PTPRD: variants seen among roughly 807,000 people sequenced by gnomAD.
The protein encoded by PTPRD is receptor-type tyrosine-protein phosphatase delta.
Under a neutral mutation model 214.5 loss-of-function variants are expected in PTPRD, and 34 were observed. That is an observed-to-expected ratio of 0.16 (90% CI 0.12 to 0.21). The LOEUF (loss-of-function observed/expected upper bound fraction) is 0.21, where lower values mean the gene tolerates loss of function less well. PTPRD is among the 10% of genes least tolerant of loss of function. PTPRD has a pLI of 1.00. For synonymous variants in PTPRD, 1,128 were observed against 845.7 expected, an observed-to-expected ratio of 1.33 and a Z score of -5.79; for missense variants, 2,545 against 2,398.7, an observed-to-expected ratio of 1.06 and a Z score of -1.27.
chr9:9,200,578 A>G (rs1481226482), intron 9 of PTPRD, among the ~76,000 whole-genome samples: 1 of 152,228 alleles, frequency 6.6e-6, no homozygotes, highest in African/African-American at 2.4e-5. Flanking sequence ...CAATTTGCCT[A>G]AGGTAACACA....
At chr9:9,648,414 C>T (rs1351404153) in intron 7 of PTPRD, among the ~76,000 whole-genome samples, 2 of 152,098 alleles carry the variant, frequency 1.3e-5, no homozygotes, top group Admixed American at 6.6e-5. Context: ...ATGGTCATAA[C>T]GTTCTGTCTT....
intron 21 of PTPRD, among the ~76,000 whole-genome samples, chr9:8,513,918 G>A (rs1312378527): frequency 6.6e-6 from 1 of 152,004 alleles, no homozygotes; most frequent in Non-Finnish European, 1.5e-5. Flanking sequence ...CAATCAACAT[G>A]TATTAAAAGT....
intron 10 of PTPRD, among the ~76,000 whole-genome samples, chr9:9,054,251 C>T (rs2099692154): frequency 6.6e-6 from 1 of 152,106 alleles, no homozygotes; most frequent in Non-Finnish European, 1.5e-5. Context: ...TTCTCATCAC[C>T]ACGAAGTTCT....
chr9:10,595,534 C>A (rs1377087435), intron 2 of PTPRD, among the ~76,000 whole-genome samples: 2 of 151,548 alleles, frequency 1.3e-5, no homozygotes, highest in East Asian at 1.9e-4. Flanking sequence ...CAAGTGGGTT[C>A]TTTTTGGCGG....
At chr9:10,172,361 T>A (rs1020530968) in intron 3 of PTPRD, among the ~76,000 whole-genome samples, 2 of 152,216 alleles carry the variant, frequency 1.3e-5, no homozygotes, top group Non-Finnish European at 2.9e-5. Context: ...AATATTGTAT[T>A]TTGATCTTAT....
chr9:8,812,971 C>T (rs527976612), intron 11 of PTPRD, among the ~76,000 whole-genome samples: 6 of 151,952 alleles, frequency 3.9e-5, no homozygotes, highest in Admixed American at 1.3e-4. Context: ...AATTTATATT[C>T]GGATTTTTAC....
chr9:10,533,589 A>G (rs1231216007), intron 2 of PTPRD, among the ~76,000 whole-genome samples: 1 of 151,930 alleles, frequency 6.6e-6, no homozygotes, highest in Admixed American at 6.6e-5. Context: ...CATGTCACAC[A>G]CTTATAAATA....
intron 9 of PTPRD, among the ~76,000 whole-genome samples, chr9:9,231,953 T>G (rs923099403): frequency 6.6e-6 from 1 of 152,136 alleles, no homozygotes; most frequent in African/African-American, 2.4e-5. Context: ...AGGAAACTGG[T>G]GGCATAGAAT....
chr9:8,572,624 A>G (rs2091452998), intron 14 of PTPRD, among the ~76,000 whole-genome samples: 1 of 152,118 alleles, frequency 6.6e-6, no homozygotes, highest in Non-Finnish European at 1.5e-5. Flanking sequence ...AAGGGGAATT[A>G]GGCACTAGAA....
intron 9 of PTPRD, among the ~76,000 whole-genome samples, chr9:9,303,677 C>G (rs1956217592): frequency 6.6e-6 from 1 of 151,964 alleles, no homozygotes; most frequent in Non-Finnish European, 1.5e-5. Flanking sequence ...AATGAAAACA[C>G]AAAAGTGGAA....
intron 8 of PTPRD, among the ~76,000 whole-genome samples, chr9:9,534,412 A>G (rs2076109419): frequency 1.3e-5 from 2 of 152,044 alleles, no homozygotes; most frequent in African/African-American, 4.8e-5. Context: ...ACGCCCTTAC[A>G]TTCAAGTGCC....
At chr9:8,632,031 G>A (rs1203019877) in intron 14 of PTPRD, among the ~76,000 whole-genome samples, 2 of 151,602 alleles carry the variant, frequency 1.3e-5, no homozygotes, top group African/African-American at 4.8e-5. Context: ...TACTTTCCCT[G>A]CAACTTAATA....
chr9:8,667,714 C>G (rs941783360), intron 12 of PTPRD, among the ~76,000 whole-genome samples: 1 of 151,824 alleles, frequency 6.6e-6, no homozygotes, highest in East Asian at 1.9e-4. Context: ...AGACTTGGGT[C>G]CCATCCCCAA....
intron 2 of PTPRD, among the ~76,000 whole-genome samples, chr9:10,568,581 C>G (rs1171024202): frequency 6.6e-6 from 1 of 152,162 alleles, no homozygotes; most frequent in East Asian, 1.9e-4. Flanking sequence ...ACAGTCCCAC[C>G]AACAGTGTAA....
chr9:8,884,763 A>G (rs968180658), intron 11 of PTPRD, among the ~76,000 whole-genome samples: 8 of 152,254 alleles, frequency 5.3e-5, no homozygotes, highest in African/African-American at 7.2e-5. Context: ...CTGATTTGCC[A>G]TAACTCACCT....
chr9:9,928,478 A>C (rs142211523), intron 5 of PTPRD, among the ~76,000 whole-genome samples: 1 of 152,246 alleles, frequency 6.6e-6, no homozygotes, highest in Non-Finnish European at 1.5e-5. Context: ...ATTAAACTTA[A>C]AAGGAGGGAA....
intron 2 of PTPRD, among the ~76,000 whole-genome samples, chr9:10,361,351 G>A (rs1032384799): frequency 3.9e-5 from 6 of 152,068 alleles, no homozygotes; most frequent in African/African-American, 7.2e-5. Flanking sequence ...TGGTGTTATC[G>A]AAATAGTTTG....
At chr9:9,982,773 G>T (rs1489017486) in intron 4 of PTPRD, among the ~76,000 whole-genome samples, 1 of 151,920 alleles carries the variant, frequency 6.6e-6, no homozygotes, top group Admixed American at 6.6e-5. Context: ...TAAAATAAAA[G>T]CTTAATGAAG....
intron 35 of PTPRD, among the ~76,000 whole-genome samples, chr9:8,408,169 G>A (rs1254711433): frequency 1.3e-5 from 2 of 152,194 alleles, no homozygotes; most frequent in Non-Finnish European, 2.9e-5. Flanking sequence ...CCTGAGGAAT[G>A]TAAAAGTTGA....
Sources: allele counts gnomAD v4.1 joint callset (sites outside exome capture counted in the v4.1 genomes callset), GRCh38; gene constraint gnomAD v4.1.1; transcripts MANE v1.5; gene names NCBI Gene and HGNC (gene_info 2026-07-23, HGNC 2026-07-21).